Variants in CACNA2D3 observed in about 807,000 individuals in gnomAD.
CACNA2D3 encodes calcium voltage-gated channel auxiliary subunit alpha2delta 3.
A neutral mutation model predicts 160.6 loss-of-function variants in CACNA2D3; 60 were observed. The observed-to-expected ratio is 0.37, with a 90% CI of 0.30 to 0.46. The LOEUF (loss-of-function observed/expected upper bound fraction) is 0.46. Ranked by LOEUF, CACNA2D3 falls within the 20% of genes least tolerant of loss-of-function variation. CACNA2D3 has a pLI of 1.00. For synonymous variants in CACNA2D3, 558 were observed against 492.9 expected, an observed-to-expected ratio of 1.13 and a Z score of -1.75; for missense variants, 1,205 against 1,365.0, an observed-to-expected ratio of 0.88 and a Z score of 1.85.
chr3:54,954,704 G>A (rs1701837651), intron 27 of CACNA2D3, among the ~76,000 whole-genome samples: 1 of 152,166 alleles, frequency 6.6e-6, no homozygotes, highest in Non-Finnish European at 1.5e-5. Flanking sequence ...CCAGGCCTCA[G>A]CTTTTGAGAG....
At chr3:54,810,156 A>G (rs1703264954) in intron 13 of CACNA2D3, among the ~76,000 whole-genome samples, 1 of 152,216 alleles carries the variant, frequency 6.6e-6, no homozygotes, top group African/African-American at 2.4e-5. Context: ...ACCAGAGGAA[A>G]GAGCCCCACA....
intron 9 of CACNA2D3, among the ~76,000 whole-genome samples, chr3:54,621,161 G>A (rs569504453): frequency 1.3e-5 from 2 of 152,288 alleles, no homozygotes; most frequent in Non-Finnish European, 2.9e-5. Context: ...TGTTTTGTCC[G>A]CTGATGTCCA....
intron 11 of CACNA2D3, among the ~76,000 whole-genome samples, chr3:54,702,747 A>G (rs1700789593): frequency 6.6e-6 from 1 of 152,198 alleles, no homozygotes; most frequent in African/African-American, 2.4e-5. Flanking sequence ...GTATACCCAA[A>G]AGAATATAAA....
intron 34 of CACNA2D3, among the ~76,000 whole-genome samples, chr3:55,014,575 C>CA (rs1367927106): frequency 6.6e-6 from 1 of 151,938 alleles, no homozygotes; most frequent in Non-Finnish European, 1.5e-5. Context: ...ACTAAAAATA[C>CA]AAAAAAACTA....
chr3:54,717,015 T>C (rs937617287), intron 11 of CACNA2D3, among the ~76,000 whole-genome samples: 6 of 152,068 alleles, frequency 3.9e-5, no homozygotes, highest in Non-Finnish European at 5.9e-5. Context: ...TTCTAGTCAT[T>C]CTGTCCCCTA....
intron 9 of CACNA2D3, among the ~76,000 whole-genome samples, chr3:54,618,089 A>G (rs1321034691): frequency 6.6e-6 from 1 of 151,616 alleles, no homozygotes; most frequent in East Asian, 1.9e-4. Context: ...CTGAGTGCCT[A>G]CTATATGCTG....
intron 2 of CACNA2D3, among the ~76,000 whole-genome samples, chr3:54,283,765 A>G (rs898922464): frequency 2.6e-5 from 4 of 152,116 alleles, no homozygotes; most frequent in African/African-American, 4.8e-5. Flanking sequence ...TTCTCTGTGT[A>G]GATAGAGGAA....
At chr3:54,863,984 A>G (rs972339571) in intron 17 of CACNA2D3, among the ~76,000 whole-genome samples, 1 of 152,060 alleles carries the variant, frequency 6.6e-6, no homozygotes, top group Non-Finnish European at 1.5e-5. Flanking sequence ...TTTCCGTGAC[A>G]TGTAAGATTA....
At chr3:54,125,331 G>A (rs9861843) in intron 2 of CACNA2D3, among the ~76,000 whole-genome samples, 56,020 of 151,682 alleles carry the variant, frequency 0.37, 10,479 homozygotes, top group East Asian at 0.44. Flanking sequence ...AATTGGAAAA[G>A]GCTGAAATGC....
chr3:54,153,485 T>C (rs1213261187), intron 2 of CACNA2D3, among the ~76,000 whole-genome samples: 1 of 152,250 alleles, frequency 6.6e-6, no homozygotes, highest in African/African-American at 2.4e-5. Flanking sequence ...TGCCATGTGT[T>C]AGGCACCGTG....
chr3:54,979,373 A>G (rs146127815), intron 29 of CACNA2D3, among the ~76,000 whole-genome samples: 237 of 152,352 alleles, frequency 1.6e-3, no homozygotes, highest in African/African-American at 5.2e-3. Context: ...GTTGTATCCT[A>G]TTACAATAGA....
chr3:54,806,690 T>G (rs985826420), intron 13 of CACNA2D3, among the ~76,000 whole-genome samples: 1 of 152,050 alleles, frequency 6.6e-6, no homozygotes, highest in African/African-American at 2.4e-5. Context: ...ATTCACAGAA[T>G]TGGAAAAAAC....
chr3:54,573,059 T>G (rs1159225111), intron 8 of CACNA2D3, among the ~76,000 whole-genome samples: 1 of 152,166 alleles, frequency 6.6e-6, no homozygotes, highest in Non-Finnish European at 1.5e-5. Context: ...AAAAATTTTT[T>G]TACCCCAAAT....
intron 2 of CACNA2D3, among the ~76,000 whole-genome samples, chr3:54,274,101 G>A (rs189298047): frequency 3.9e-5 from 6 of 152,058 alleles, no homozygotes; most frequent in Admixed American, 3.3e-4. Context: ...CTTCTCTTAT[G>A]ACTCTAACAT....
intron 13 of CACNA2D3, among the ~76,000 whole-genome samples, chr3:54,798,910 T>A (rs1702924975): frequency 6.6e-6 from 1 of 152,234 alleles, no homozygotes; most frequent in Non-Finnish European, 1.5e-5. Context: ...GCTCCATTAC[T>A]CAGCTGCCTG....
At position 54,987,680 on chromosome 3, in the gene CACNA2D3, T is replaced by C; in HGVS notation, c.2620-3T>C. 6.3e-7 allele frequency: 1 copy of C among 1,599,982 alleles called. No individual in the cohort carries two copies. Among genetic ancestry groups the C allele is most frequent in the Non-Finnish European group, 8.5e-7 (1 of 1,173,948 alleles). ...ACCTCCTCATATGTCTTCTTCCCCA[T>C]AGACTGGAGACTTTTTTGGTGAGAT... On this transcript the variant is annotated splice_region_variant and splice_polypyrimidine_tract_variant and intron_variant, in intron 30 of 37. Coordinates refer to ENST00000474759, the MANE Select transcript of CACNA2D3 (RefSeq NM_018398.3).
Position 54,614,057 on chromosome 3 carries a change from A to G in CACNA2D3, c.964-13730A>G, listed in dbSNP as rs371437156. ...GAAGAGACCAGGTCTCCCCTTGTTC[A>G]ATTGATCAAGCACAGCATGTTGTAC... On this transcript the variant is annotated intron_variant, in intron 9 of 37. Coordinates refer to ENST00000474759, the MANE Select transcript of CACNA2D3 (RefSeq NM_018398.3). 1.4e-4 allele frequency among the ~76,000 whole-genome samples: 22 copies of G among 152,314 alleles called. No individual in the cohort carries two copies. In the East Asian group the frequency reaches 3.1e-3, roughly 21 times the overall value.
chr3:54,160,955 C>T (rs1559867266), intron 2 of CACNA2D3, among the ~76,000 whole-genome samples: 1 of 152,066 alleles, frequency 6.6e-6, no homozygotes, highest in African/African-American at 2.4e-5. Flanking sequence ...TGAGCAAAGG[C>T]GAAGTCCAGC....
intron 2 of CACNA2D3, among the ~76,000 whole-genome samples, chr3:54,171,034 G>A (rs952632310): frequency 2.7e-5 from 4 of 150,040 alleles, no homozygotes; most frequent in African/African-American, 9.8e-5. Flanking sequence ...TGGACCAAAT[G>A]TTCCTGAAGG....
Sources: gnomAD v4.1 joint callset for allele counts (sites outside exome capture counted in the v4.1 genomes callset) on GRCh38, gnomAD v4.1.1 for gene constraint, MANE v1.5 for transcripts, NCBI Gene and HGNC (gene_info 2026-07-23, HGNC 2026-07-21) for gene names.